Variants in TMEM132D observed in about 807,000 individuals in gnomAD.
TMEM132D encodes the protein transmembrane protein 132D, also known as mature OL transmembrane protein.
A neutral mutation model predicts 62.3 loss-of-function variants in TMEM132D; 21 were observed. The observed-to-expected ratio is 0.34, with a 90% confidence interval of 0.24 to 0.49. The LOEUF (loss-of-function observed/expected upper bound fraction) is 0.49, where lower values mean the gene tolerates loss of function less well. Ranked by LOEUF, TMEM132D falls within the 20% of genes least tolerant of loss-of-function variation. The pLI is 0.99. For synonymous variants in TMEM132D, 621 were observed against 575.6 expected (o/e 1.08, Z -1.13); for missense variants, 1,346 against 1,402.8 (o/e 0.96, Z 0.65).
chr12:129,674,826 A>C (rs1396510020), intron 2 of TMEM132D, among the ~76,000 whole-genome samples: 2 of 152,168 alleles, frequency 1.3e-5, no homozygotes, highest in East Asian at 3.9e-4. Context: ...GGCGTGAGCC[A>C]CCACGCCTGG....
intron 3 of TMEM132D, among the ~76,000 whole-genome samples, chr12:129,470,459 G>T (rs183047392): frequency 9.2e-5 from 14 of 152,224 alleles, no homozygotes; most frequent in African/African-American, 3.1e-4. Flanking sequence ...TTTGCGCCAG[G>T]CATATACTAG....
chr12:129,091,307 T>C (rs1246082890), intron 5 of TMEM132D, among the ~76,000 whole-genome samples: 4 of 145,720 alleles, frequency 2.7e-5, no homozygotes, highest in Admixed American at 2.7e-4. Flanking sequence ...GGGGACCTTA[T>C]ATAGGCTCAC....
chr12:129,584,482 A>G (rs1267593437), intron 2 of TMEM132D, among the ~76,000 whole-genome samples: 4 of 151,388 alleles, frequency 2.6e-5, no homozygotes, highest in Admixed American at 2.6e-4. Context: ...GGTGGGAGTT[A>G]CTCCCCCTCC....
Position 129,700,265 on chromosome 12 carries a change from A to T in TMEM132D, c.513T>A (p.Phe171Leu), listed in dbSNP as rs2137226655. 1 of 1,613,462 alleles carries T rather than the reference A, an allele frequency of 6.2e-7. No homozygotes were observed. The highest frequency in any genetic ancestry group is 8.5e-7 in the Non-Finnish European group (1 of 1,179,982). Reference sequence around the variant, plus strand: ...GCACCTCTCGGGTCTCTCGGAAAGCAAAGACCCTCAGGCACGGCAGCTTCT... The same window carrying T: ...GCACCTCTCGGGTCTCTCGGAAAGCTAAGACCCTCAGGCACGGCAGCTTCT... ...AGEKLPCLRV[F>L]AFRETREVRG... The change falls in exon 2 of 9, where the codon TTT (phenylalanine) becomes TTA (leucine). Residue 171 changes from phenylalanine to leucine, a missense_variant. Phe to Leu is a conservative substitution (Grantham distance 22). Transcript: ENST00000422113.
intron 4 of TMEM132D, among the ~76,000 whole-genome samples, chr12:129,322,920 C>A (rs1235570868): frequency 6.6e-6 from 1 of 152,132 alleles, no homozygotes; most frequent in Non-Finnish European, 1.5e-5. Flanking sequence ...CATTGCTTTT[C>A]CATATGTTGT....
chr12:129,120,721 C>G (rs972240903), intron 5 of TMEM132D, among the ~76,000 whole-genome samples: 2 of 152,080 alleles, frequency 1.3e-5, no homozygotes, highest in African/African-American at 4.8e-5. Flanking sequence ...TTAACAATTG[C>G]ATGATTGTTA....
At chr12:129,490,741 C>T (rs902071364) in intron 3 of TMEM132D, among the ~76,000 whole-genome samples, 17 of 151,282 alleles carry the variant, frequency 1.1e-4, no homozygotes, top group Admixed American at 7.9e-4. Flanking sequence ...GCGTGAGCCA[C>T]GGCGCCCGGC....
chr12:129,379,628 C>T (rs868425860), intron 3 of TMEM132D, among the ~76,000 whole-genome samples: 4 of 152,166 alleles, frequency 2.6e-5, no homozygotes, highest in Admixed American at 6.5e-5. Context: ...GGTGCTGTCA[C>T]TGGGCAACTA....
At chr12:129,760,319 CTTTCT>C (rs1870312864) in intron 1 of TMEM132D, among the ~76,000 whole-genome samples, 1 of 95,698 alleles carries the variant, frequency 1.0e-5, no homozygotes, top group African/African-American at 3.5e-5. Flanking sequence ...ATGTAAGCCA[CTTTCT>C]TTTTTTTTTT....
chr12:129,863,457 T>C (rs1873961090), intron 1 of TMEM132D, among the ~76,000 whole-genome samples: 1 of 152,322 alleles, frequency 6.6e-6, no homozygotes, highest in Admixed American at 6.5e-5. Flanking sequence ...TCAGCTCTTT[T>C]GTAAAATGAA....
intron 5 of TMEM132D, among the ~76,000 whole-genome samples, chr12:129,116,917 G>GGAAAAA (rs1565969603): frequency 7.1e-5 from 1 of 13,990 alleles, no homozygotes; most frequent in South Asian, 2.4e-3. Context: ...GAAAATTTCC[G>GGAAAAA]CAAAAAAAAA....
intron 3 of TMEM132D, among the ~76,000 whole-genome samples, chr12:129,519,251 C>T (rs1875775974): frequency 6.6e-6 from 1 of 152,120 alleles, no homozygotes; most frequent in Admixed American, 6.6e-5. Context: ...CAATGTTGAA[C>T]CTCGGGGACT....
At chr12:129,788,043 A>G (rs1273438476) in intron 1 of TMEM132D, among the ~76,000 whole-genome samples, 1 of 152,230 alleles carries the variant, frequency 6.6e-6, no homozygotes, top group African/African-American at 2.4e-5. Context: ...TCCTGGCCCA[A>G]CCACTCGGGG....
intron 5 of TMEM132D, among the ~76,000 whole-genome samples, chr12:129,204,030 T>C (rs1386519831): frequency 6.6e-6 from 1 of 151,944 alleles, no homozygotes; most frequent in African/African-American, 2.4e-5. Context: ...AAAAAACCCA[T>C]CCAAAGGACA....
intron 2 of TMEM132D, among the ~76,000 whole-genome samples, chr12:129,593,027 T>C (rs553691019): frequency 2.6e-5 from 4 of 152,202 alleles, no homozygotes; most frequent in African/African-American, 7.2e-5. Context: ...TGATGCCACA[T>C]GGAGGTATGG....
chr12:129,155,062 G>A (rs189313414), intron 5 of TMEM132D, among the ~76,000 whole-genome samples: 51 of 152,342 alleles, frequency 3.3e-4, no homozygotes, highest in East Asian at 1.2e-3. Flanking sequence ...GTGCACAAAC[G>A]AGAGATGCTT....
chr12:129,174,535 AC>A (rs1233548349), intron 5 of TMEM132D, among the ~76,000 whole-genome samples: 2 of 152,160 alleles, frequency 1.3e-5, no homozygotes, highest in Non-Finnish European at 2.9e-5. Flanking sequence ...GCTGCAATTA[AC>A]ATACATGTGC....
At chr12:129,197,696 A>T (rs1878586303) in intron 5 of TMEM132D, among the ~76,000 whole-genome samples, 1 of 152,246 alleles carries the variant, frequency 6.6e-6, no homozygotes, top group African/African-American at 2.4e-5. Flanking sequence ...CTAGAAGAAA[A>T]CACAGGGGAA....
intron 5 of TMEM132D, among the ~76,000 whole-genome samples, chr12:129,142,303 C>A (rs954636998): frequency 6.6e-6 from 1 of 152,068 alleles, no homozygotes; most frequent in Non-Finnish European, 1.5e-5. Context: ...TGAAAGCAAC[C>A]CTGATTCTCT....
Sources: allele counts gnomAD v4.1 joint callset (sites outside exome capture counted in the v4.1 genomes callset), GRCh38; gene constraint gnomAD v4.1.1; transcripts MANE v1.5; gene names NCBI Gene and HGNC (gene_info 2026-07-23, HGNC 2026-07-21).